The following NDUFAF1 variants were observed in gnomAD, a reference collection of about 807,000 sequenced individuals.
The protein encoded by NDUFAF1 is NADH:ubiquinone oxidoreductase complex assembly factor 1.
In NDUFAF1, 18 loss-of-function variants were observed where a neutral mutation model predicts 28.7. The ratio of observed to expected loss-of-function variants is 0.63; its 90% CI spans 0.43 to 0.93. The LOEUF (loss-of-function observed/expected upper bound fraction) is 0.93. NDUFAF1 is among the 40% of genes least tolerant of loss of function. The probability of loss-of-function intolerance (pLI) is 0.00; values close to 1 mark genes in which losing one functional copy is unlikely to be tolerated. For synonymous variants in NDUFAF1, 113 were observed against 139.7 expected (o/e 0.81, Z 1.35); for missense variants, 404 against 398.3 (o/e 1.01, Z -0.12).
Position 41,397,043 on chromosome 15 carries a change from T to G in NDUFAF1, c.17A>C (p.Lys6Thr), listed in dbSNP as rs1295204221. The G allele has an allele frequency of 6.2e-7, 1 of 1,613,354 alleles. No homozygotes were observed. Among genetic ancestry groups the G allele is most frequent in the African/African-American group, 1.3e-5 (1 of 74,846 alleles). Residue 6 changes from lysine (K) to threonine (T), a missense_variant, in exon 2 of 5, where the codon AAA (lysine) becomes ACA (threonine). Coordinates refer to ENST00000260361, the MANE Select transcript of NDUFAF1 (RefSeq NM_016013.4). Reference sequence around the variant, plus strand: ...GAGAAAATAAGTACCACGCAGCAATTTGTGAACCAAAGCCATGGTACAAAA... The same window carrying G: ...GAGAAAATAAGTACCACGCAGCAATGTGTGAACCAAAGCCATGGTACAAAA... The part of the protein sequence containing the change: MALVH[K>T]LLRGTYFLRK...
chr15:41,390,400 G>A (rs2050301289), intron 3 of NDUFAF1, among the ~76,000 whole-genome samples: 1 of 152,172 alleles, frequency 6.6e-6, no homozygotes, highest in South Asian at 2.1e-4. Context: ...GGAAAAGTGT[G>A]ACTAGAAAAG....
At chr15:41,388,964 C>T (rs2050286016) in intron 3 of NDUFAF1, among the ~76,000 whole-genome samples, 1 of 152,090 alleles carries the variant, frequency 6.6e-6, no homozygotes, top group Non-Finnish European at 1.5e-5. Context: ...ATGTCCTATT[C>T]CTTCTACTCT....
At chr15:41,387,676 T>C in intron 4 of NDUFAF1, 83 bp from the exon 5 acceptor site, 1 of 1,210,542 alleles carries the variant, frequency 8.3e-7, no homozygotes, top group Non-Finnish European at 1.2e-6. Flanking sequence ...TCCCATCAGG[T>C]GATGATTATA....
chr15:41,398,865 G>C lies in NDUFAF1; in HGVS notation c.-81-1725C>G, dbSNP rs145163826. Among the ~76,000 whole-genome samples the C allele has an allele frequency of 5.3e-5, 8 of 152,048 alleles. No homozygotes were observed. In the East Asian group the frequency reaches 1.4e-3, roughly 26 times the overall value. On this transcript the variant is annotated intron_variant, in intron 1 of 4. Coordinates refer to ENST00000260361, the MANE Select transcript of NDUFAF1 (RefSeq NM_016013.4). ...AGCTACTGGGGAGGCTGAGGCAGGA[G>C]AATCACTTGAACCCAGGAGGCGGAG...
rs1368004916 is a variant in NDUFAF1, at chr15:41,397,055, G to C, written c.5C>G (p.Ala2Gly). The C allele has an allele frequency of 6.2e-7, 1 of 1,613,090 alleles. No individual in the cohort carries two copies. The highest frequency in any genetic ancestry group is 1.3e-5 in the African/African-American group (1 of 74,822). The change falls in exon 2 of 5, where the codon GCT becomes GGT. Residue 2 changes from alanine to glycine, a missense_variant. Coordinates refer to ENST00000260361, the MANE Select transcript of NDUFAF1 (RefSeq NM_016013.4). The stretch of plus-strand genomic sequence containing the variant: ...ACCACGCAGCAATTTGTGAACCAAA[G>C]CCATGGTACAAAAAAATCAAAATGT... MALVHKLLRGTY... is the reference protein window; with the variant it reads MGLVHKLLRGTY...
rs1001079811 is a variant in NDUFAF1, at chr15:41,396,678, G to C, written c.382C>G (p.Arg128Gly). The C allele has an allele frequency of 1.2e-6, 2 of 1,613,958 alleles. No homozygotes were observed. Among genetic ancestry groups the C allele is most frequent in the Non-Finnish European group, 1.7e-6 (2 of 1,180,044 alleles). ...LEQAKVVWQF[R>G]GKEDLDKWTV... The stretch of plus-strand genomic sequence containing the variant: ...CACTTATCCAAATCTTCTTTCCCCC[G>C]GAATTGCCAGACAACCTTGGCTTGT... Residue 128 changes from arginine to glycine, a missense_variant, in exon 2 of 5, where the codon CGG (arginine) becomes GGG (glycine). By Grantham distance (125) the Arg-to-Gly change is moderately radical. Transcript: ENST00000260361.
chr15:41,402,278 T>C lies in NDUFAF1; in HGVS notation c.-216A>G, dbSNP rs532146656. 2.2e-6 allele frequency: 1 copy of C among 454,124 alleles called. No homozygotes were observed. The highest frequency in any genetic ancestry group is 4.4e-6 in the Non-Finnish European group (1 of 226,790). The allele number at this position is 454,124 out of a possible 1,614,324, so 28.1% of individuals were successfully genotyped here. On this transcript the variant is annotated 5_prime_UTR_variant, in exon 1 of 5. Transcript: ENST00000260361. ...AATTTACCCGAGGTCACACAGGTAG[T>C]GAGTGGCAAAATTCTTCCGCCTTGG...
chr15:41,396,868 C>A lies in NDUFAF1; in HGVS notation c.192G>T (p.Gln64His). Reference sequence around the variant, plus strand: ...AAGTTATATCCAAAGCAACTTCTTTCTGGTGATCTCCTTGCAAATCCCCTT... The same window carrying A: ...AAGTTATATCCAAAGCAACTTCTTTATGGTGATCTCCTTGCAAATCCCCTT... ...KTEGDLQGDH[Q>H]KEVALDITSS... Residue 64 changes from glutamine (Q) to histidine (H), a missense_variant, in exon 2 of 5, where the codon CAG becomes CAT. By Grantham distance (24) the Gln-to-His change is conservative (BLOSUM62 0). Coordinates refer to ENST00000260361, the MANE Select transcript of NDUFAF1 (RefSeq NM_016013.4). 1 of 1,614,196 alleles carries A rather than the reference C, an allele frequency of 6.2e-7. No homozygotes were observed. The highest frequency in any genetic ancestry group is 8.5e-7 in the Non-Finnish European group (1 of 1,180,048).
At position 41,394,922 on chromosome 15, in the gene NDUFAF1, C is replaced by T. The variant is rs760988487; in HGVS notation, c.696G>A (p.Arg232=). 3.1e-6 allele frequency: 5 copies of T among 1,614,018 alleles called. No homozygotes were observed. In the East Asian group the frequency reaches 8.9e-5, roughly 29 times the overall value. ...NIKEDTDFFQ[R]TNQMYSYFMF... is the part of the protein sequence containing the mutation. ...TGAAGTAACTATACATCTGATTCGT[C>T]CTCTGGAAGAAATCTGTGTCCTCCT... The change falls in exon 3 of 5, where the codon AGG becomes AGA. Residue 232 remains arginine (R), a synonymous_variant. Transcript: ENST00000260361.
chr15:41,393,489 G>T (rs2050340656), intron 3 of NDUFAF1, among the ~76,000 whole-genome samples: 2 of 151,066 alleles, frequency 1.3e-5, no homozygotes, highest in Non-Finnish European at 1.5e-5. Flanking sequence ...GGGTTTCACT[G>T]TGTTAGCCAG....
intron 1 of NDUFAF1, among the ~76,000 whole-genome samples, chr15:41,398,126 G>A (rs1174523910): frequency 2.7e-5 from 4 of 150,766 alleles, no homozygotes; most frequent in African/African-American, 7.3e-5. Context: ...TTCTCCCCTC[G>A]GCTTCCCAAA....
chr15:41,402,197 GA>G lies in NDUFAF1; in HGVS notation c.-136del, dbSNP rs2050472517. 2.2e-6 allele frequency: 1 copy of G among 453,962 alleles called. No homozygotes were observed. Among genetic ancestry groups the G allele is most frequent in the Non-Finnish European group, 4.4e-6 (1 of 226,802 alleles). 28.1% of individuals were successfully genotyped at this position (453,962 alleles called of 1,614,324 possible). A position where few individuals can be genotyped will look rare whatever the true frequency, so the allele number is the denominator to read the frequency against. On this transcript the variant is annotated 5_prime_UTR_variant, in exon 1 of 5. Coordinates refer to ENST00000260361, the MANE Select transcript of NDUFAF1 (RefSeq NM_016013.4). ...CACTGACGGCTCACAACAATCCTGAGAGAGGTACTATTATTATTTCAATTAT... is the reference window on the plus strand; with the variant it reads ...CACTGACGGCTCACAACAATCCTGAGGAGGTACTATTATTATTTCAATTAT...
intron 1 of NDUFAF1, among the ~76,000 whole-genome samples, chr15:41,401,176 C>A (rs1305358131): frequency 1.3e-5 from 2 of 151,130 alleles, no homozygotes; most frequent in Non-Finnish European, 2.9e-5. Context: ...CTATGTTGGC[C>A]AGAGTGGTCT....
In NDUFAF1 at chr15:41,387,478, T is replaced by C. The variant is rs1346912057; in HGVS notation, c.950A>G (p.Asn317Ser). ...AAGCCTTGGGTTAAGCTCTGGAGAA[T>C]TTTCATAGGCAAATTCTTCTGTATG... ...PAHTEEFAYE[N>S]SPELNPRLFK The change falls in exon 5 of 5, where the codon AAT becomes AGT. Residue 317 changes from asparagine to serine, a missense_variant. By Grantham distance (46) the Asn-to-Ser change is conservative. Transcript: ENST00000260361. 1.9e-6 allele frequency: 3 copies of C among 1,613,928 alleles called. No individual in the cohort carries two copies. Among genetic ancestry groups the C allele is most frequent in the Non-Finnish European group, 2.5e-6 (3 of 1,179,838 alleles).
At chr15:41,396,240 T>C (rs1199526681) in intron 2 of NDUFAF1, among the ~76,000 whole-genome samples, 1 of 152,064 alleles carries the variant, frequency 6.6e-6, no homozygotes, top group African/African-American at 2.4e-5. Flanking sequence ...AACATAACAA[T>C]GCTCGTTCCT....
intron 1 of NDUFAF1, among the ~76,000 whole-genome samples, chr15:41,400,019 C>T (rs2050441833): frequency 6.6e-6 from 1 of 151,830 alleles, no homozygotes; most frequent in South Asian, 2.1e-4. Context: ...AAGATCAAGC[C>T]ACTGCACTCC....
At chr15:41,394,797 C>G in intron 3 of NDUFAF1, 62 bp downstream of exon 3, 3 of 1,558,728 alleles carry the variant, frequency 1.9e-6, no homozygotes, top group Non-Finnish European at 2.7e-6. Flanking sequence ...GGATTATAGG[C>G]GTGAGCCACC....
intron 3 of NDUFAF1, 108 bp from the exon 4 acceptor site, chr15:41,388,630 A>G (rs756536123): frequency 1.6e-5 from 12 of 770,610 alleles, no homozygotes; most frequent in Non-Finnish European, 2.5e-5. Flanking sequence ...ATTATGTCAT[A>G]TATGTATTAT....
intron 3 of NDUFAF1, among the ~76,000 whole-genome samples, chr15:41,391,196 A>AT (rs2050311830): frequency 6.6e-6 from 1 of 151,774 alleles, no homozygotes; most frequent in African/African-American, 2.4e-5. Flanking sequence ...AATTTGTGTT[A>AT]TATATCTGTA....
Sources: gnomAD v4.1 joint callset for allele counts (sites outside exome capture counted in the v4.1 genomes callset) on GRCh38, gnomAD v4.1.1 for gene constraint, MANE v1.5 for transcripts, NCBI Gene and HGNC (gene_info 2026-07-23, HGNC 2026-07-21) for gene names.